Variants in BTG2 observed in about 807,000 individuals in gnomAD.
BTG2 encodes the protein BTG anti-proliferation factor 2, also known as protein BTG2.
In BTG2, 9 loss-of-function variants were observed where a neutral mutation model predicts 13.1. That is an observed-to-expected ratio of 0.69 (90% CI 0.41 to 1.20). BTG2 has a LOEUF of 1.20. Among genes scored for constraint, BTG2 ranks in the 50% most tolerant of loss-of-function variants. The pLI is 0.00. For missense variants in BTG2, 200 were observed against 209.5 expected (o/e 0.95, Z 0.28); for synonymous variants, 92 against 88.6 (o/e 1.04, Z -0.21).
At chr1:203,306,850 A>T (rs111478142) in intron 1 of BTG2, among the ~76,000 whole-genome samples, 1 of 10,218 alleles carries the variant, frequency 9.8e-5, no homozygotes, top group Non-Finnish European at 3.0e-4. Context: ...ACACTCAGTC[A>T]CACACACACA....
chr1:203,306,382 A>G (rs2102284688), intron 1 of BTG2, among the ~76,000 whole-genome samples: 1 of 152,148 alleles, frequency 6.6e-6, no homozygotes. Flanking sequence ...TGAAGAGATA[A>G]GCAGCCCGCT....
intron 1 of BTG2, among the ~76,000 whole-genome samples, chr1:203,306,490 T>G (rs1658277357): frequency 6.6e-6 from 1 of 152,120 alleles, no homozygotes; most frequent in African/African-American, 2.4e-5. Flanking sequence ...ACACAGACCC[T>G]GCCTTCTGAG....
At chr1:203,306,325 A>G (rs1658272285) in intron 1 of BTG2, among the ~76,000 whole-genome samples, 1 of 151,748 alleles carries the variant, frequency 6.6e-6, no homozygotes, top group Admixed American at 6.6e-5. Context: ...TAGGGAGGAG[A>G]GCCTCGTAGC....
rs575103998 is a variant in BTG2 at position 203,308,908 on chromosome 1, A to G, written c.*1470A>G. The G allele has an allele frequency of 6.5e-6, 1 of 152,768 alleles. No homozygotes were observed. Among genetic ancestry groups the G allele is most frequent in the Admixed American group, 6.5e-5 (1 of 15,300 alleles). The allele number at this position is 152,768 out of a possible 1,614,324, so 9.5% of individuals were successfully genotyped here. ...CAGTGACATTGATGAGGGGTCCTCA[A>G]AAGACCTCGAGTTTCCCAAACCGAA... On this transcript the variant is annotated 3_prime_UTR_variant, in exon 2 of 2. Coordinates refer to ENST00000290551, the MANE Select transcript of BTG2 (RefSeq NM_006763.3).
chr1:203,307,091 C>T lies in BTG2; in HGVS notation c.143-13C>T. Reference sequence around the variant, plus strand: ...TCTAACCAGGGCATCTGCCCCTGGTCCTGTCTCCACAGAGCACTACAAACA... The same window carrying T: ...TCTAACCAGGGCATCTGCCCCTGGTTCTGTCTCCACAGAGCACTACAAACA... On this transcript the variant is annotated splice_polypyrimidine_tract_variant and intron_variant, in intron 1 of 1. Transcript: ENST00000290551. 6.2e-7 allele frequency: 1 copy of T among 1,610,324 alleles called. No individual in the cohort carries two copies. Among genetic ancestry groups the T allele is most frequent in the Non-Finnish European group, 8.5e-7 (1 of 1,177,260 alleles).
chr1:203,306,234 T>C (rs1658268853), intron 1 of BTG2, among the ~76,000 whole-genome samples: 1 of 152,298 alleles, frequency 6.6e-6, no homozygotes, highest in Admixed American at 6.5e-5. Flanking sequence ...AGTCCACTGG[T>C]TGCTGACTGG....
chr1:203,307,360 G>T lies in BTG2; in HGVS notation c.399G>T (p.Gly133=). ...YEEAPLAASC[G]LLTCKNQVLL... ...AGGCCCCACTGGCCGCCTCCTGTGGGCTCCTCACCTGCAAGAACCAAGTGC... is the reference window on the plus strand; with the variant it reads ...AGGCCCCACTGGCCGCCTCCTGTGGTCTCCTCACCTGCAAGAACCAAGTGC... The change falls in exon 2 of 2, where the codon GGG becomes GGT. Residue 133 remains glycine (G), a synonymous_variant. Transcript: ENST00000290551. The T allele has an allele frequency of 6.2e-7, 1 of 1,613,224 alleles. No individual in the cohort carries two copies. Among genetic ancestry groups the T allele is most frequent in the Non-Finnish European group, 8.5e-7 (1 of 1,179,342 alleles).
At position 203,307,641 on chromosome 1, in the gene BTG2, C is replaced by T; in HGVS notation, c.*203C>T. The T allele has an allele frequency of 2.5e-6, 1 of 400,868 alleles. No homozygotes were observed. The highest frequency in any genetic ancestry group is 4.3e-6 in the Non-Finnish European group (1 of 232,326). The allele number at this position is 400,868 out of a possible 1,614,324, so 24.8% of individuals were successfully genotyped here. On this transcript the variant is annotated 3_prime_UTR_variant, in exon 2 of 2. Coordinates refer to ENST00000290551, the MANE Select transcript of BTG2 (RefSeq NM_006763.3). ...GGGAGCTGCTTGGAAGTGGCCTCCC[C>T]AGGTGCCTTTGGAGAGAACTGTTGC...
At chr1:203,306,120 G>A (rs1658257351) in intron 1 of BTG2, among the ~76,000 whole-genome samples, 1 of 152,204 alleles carries the variant, frequency 6.6e-6, no homozygotes, top group Admixed American at 6.5e-5. Context: ...CGCCCGGTCG[G>A]CCGAGGGGTC....
Position 203,308,751 on chromosome 1 carries a change from G to C in BTG2, c.*1313G>C, listed in dbSNP as rs916830474. 1 of 152,690 alleles carries C rather than the reference G, an allele frequency of 6.5e-6. No homozygotes were observed. The highest frequency in any genetic ancestry group is 6.5e-5 in the Admixed American group (1 of 15,288). 9.5% of individuals were successfully genotyped at this position (152,690 alleles called of 1,614,324 possible). A position where few individuals can be genotyped will look rare whatever the true frequency, so the allele number is the denominator to read the frequency against. On this transcript the variant is annotated 3_prime_UTR_variant, in exon 2 of 2. Transcript: ENST00000290551. The stretch of plus-strand genomic sequence containing the variant: ...CTGTTTTTTCTCCCTGGTGCTCAGA[G>C]CACCTGTGGGAAAGGTTGCTGTCTG...
intron 1 of BTG2, among the ~76,000 whole-genome samples, chr1:203,306,507 A>G (rs1658277917): frequency 1.3e-5 from 2 of 152,118 alleles, no homozygotes; most frequent in African/African-American, 4.8e-5. Context: ...TGAGGAAAAC[A>G]GATGTTTCAT....
At chr1:203,305,903 T>C (rs1658249681) in intron 1 of BTG2, among the ~76,000 whole-genome samples, 155 bp downstream of exon 1, 1 of 152,062 alleles carries the variant, frequency 6.6e-6, no homozygotes, top group African/African-American at 2.4e-5. Flanking sequence ...CAGTCCCCAG[T>C]TTCCTGGGTC....
rs1658336199 is a variant in BTG2 at position 203,309,127 on chromosome 1, A to T, written c.*1689A>T. 1 of 152,566 alleles carries T rather than the reference A, an allele frequency of 6.6e-6. No homozygotes were observed. The highest frequency in any genetic ancestry group is 2.4e-5 in the African/African-American group (1 of 41,378). 9.5% of individuals were successfully genotyped at this position (152,566 alleles called of 1,614,324 possible). On this transcript the variant is annotated 3_prime_UTR_variant, in exon 2 of 2. Coordinates refer to ENST00000290551, the MANE Select transcript of BTG2 (RefSeq NM_006763.3). ...TATTTACCAAACACTCTCCCTACCCATTCCTGCCAGCTCTGCCTCCTTTTC... is the reference window on the plus strand; with the variant it reads ...TATTTACCAAACACTCTCCCTACCCTTTCCTGCCAGCTCTGCCTCCTTTTC...
rs1173196769 is a variant in BTG2 at position 203,306,795 on chromosome 1, A to AACAC, written c.143-308_143-305dup. On this transcript the variant is annotated intron_variant, in intron 1 of 1. Coordinates refer to ENST00000290551, the MANE Select transcript of BTG2 (RefSeq NM_006763.3). ...CCCTAGAGCTCTAGAATCCCCTCCC[A>AACAC]ACACGCACACACACACACACACACA... is the stretch of plus-strand genomic sequence containing the variant. Among the ~76,000 whole-genome samples, 9 of 107,072 alleles carry AACAC rather than the reference A, an allele frequency of 8.4e-5. No homozygotes were observed. The Admixed American group carries it at 9.8e-4, about 12-fold the overall frequency. 70.2% of individuals were successfully genotyped at this position (107,072 alleles called of 152,430 possible).
intron 1 of BTG2, among the ~76,000 whole-genome samples, chr1:203,306,286 T>TC (rs2102284510): frequency 6.6e-6 from 1 of 152,182 alleles, no homozygotes; most frequent in African/African-American, 2.4e-5. Context: ...TATCTTTGGT[T>TC]CCCCTTAGCC....
intron 1 of BTG2, among the ~76,000 whole-genome samples, chr1:203,306,529 A>C (rs1658278473): frequency 6.6e-6 from 1 of 152,218 alleles, no homozygotes; most frequent in Admixed American, 6.5e-5. Context: ...AAAACAACCC[A>C]GTTTTCACTC....
chr1:203,307,431 C>G lies in BTG2; in HGVS notation c.470C>G (p.Ser157Cys). 1.3e-6 allele frequency: 2 copies of G among 1,579,288 alleles called. No homozygotes were observed. The highest frequency in any genetic ancestry group is 1.7e-4 in the Middle Eastern group (1 of 5,886). ...TCCAAGAACTACGTGATGGCAGTCT[C>G]CAGCTAGGCCCTTCCGCCCCCGCCC... is the stretch of plus-strand genomic sequence containing the variant. ...SPSKNYVMAV[S>C]S The change falls in exon 2 of 2, where the codon TCC becomes TGC. Residue 157 changes from serine (S) to cysteine (C), a missense_variant. Coordinates refer to ENST00000290551, the MANE Select transcript of BTG2 (RefSeq NM_006763.3).
At position 203,306,999 on chromosome 1, in the gene BTG2, C is replaced by T. The variant is rs565590165; in HGVS notation, c.143-105C>T. 4 of 938,906 alleles carry T rather than the reference C, an allele frequency of 4.3e-6. No individual in the cohort carries two copies. In the East Asian group the frequency reaches 1.0e-4, roughly 24 times the overall value. 58.2% of individuals were successfully genotyped at this position (938,906 alleles called of 1,614,324 possible). ...GAATCCACCTCCCTTACTTAAAGGG[C>T]CCCTTTCTCTCCTCCTGTCCCTTGA... is the stretch of plus-strand genomic sequence containing the variant. On this transcript the variant is annotated intron_variant, in intron 1 of 1. Coordinates refer to ENST00000290551, the MANE Select transcript of BTG2 (RefSeq NM_006763.3).
rs540175244 is a variant in BTG2, at chr1:203,305,760, C to T, written c.142+12C>T. 61 of 1,542,182 alleles carry T rather than the reference C, an allele frequency of 4.0e-5. No individual in the cohort carries two copies. The highest frequency in any genetic ancestry group is 3.8e-4 in the Middle Eastern group (2 of 5,266). Reference sequence around the variant, plus strand: ...GGAGGCACTCACAGGTGAGCGCATGCCGAGGGGCCTGGCGCCACCGGGGGT... The same window carrying T: ...GGAGGCACTCACAGGTGAGCGCATGTCGAGGGGCCTGGCGCCACCGGGGGT... On this transcript the variant is annotated intron_variant, in intron 1 of 1. Coordinates refer to ENST00000290551, the MANE Select transcript of BTG2 (RefSeq NM_006763.3).
Sources: gnomAD v4.1 joint callset for allele counts (sites outside exome capture counted in the v4.1 genomes callset) on GRCh38, gnomAD v4.1.1 for gene constraint, MANE v1.5 for transcripts, NCBI Gene and HGNC (gene_info 2026-07-23, HGNC 2026-07-21) for gene names.